The following FAM174A variants were observed in gnomAD, a reference collection of about 807,000 sequenced individuals.
FAM174A encodes the protein family with sequence similarity 174 member A, also known as membrane protein FAM174A.
FAM174A carries 14 observed loss-of-function variants against 14.3 expected under a neutral mutation model. The ratio of observed to expected loss-of-function variants is 0.98; its 90% CI spans 0.65 to 1.53. The LOEUF (loss-of-function observed/expected upper bound fraction) is 1.53, where lower values mean the gene tolerates loss of function less well. Among genes scored for constraint, FAM174A ranks in the 40% most tolerant of loss-of-function variants. The pLI is 0.00. For missense variants in FAM174A, 241 were observed against 249.6 expected (o/e 0.97, Z 0.23); for synonymous variants, 108 against 111.4 (o/e 0.97, Z 0.19).
At chr5:100,538,143 T>C (rs1390938549) in intron 1 of FAM174A, among the ~76,000 whole-genome samples, 1 of 152,184 alleles carries the variant, frequency 6.6e-6, no homozygotes, top group East Asian at 1.9e-4. Context: ...GCTTGAATGA[T>C]GCTAACAATG....
At chr5:100,569,467 A>G (rs1394624563) in intron 2 of FAM174A, among the ~76,000 whole-genome samples, 4 of 151,742 alleles carry the variant, frequency 2.6e-5, no homozygotes, top group Admixed American at 6.6e-5. Context: ...TCAATCACCT[A>G]TGGTTTGACA....
At chr5:100,571,691 T>TATATATATATAC (rs1320690709) in intron 2 of FAM174A, among the ~76,000 whole-genome samples, 15 of 146,598 alleles carry the variant, frequency 1.0e-4, no homozygotes, top group African/African-American at 3.7e-4. Context: ...TATATATATA[T>TATATATATATAC]ACACACACAC....
intron 1 of FAM174A, among the ~76,000 whole-genome samples, chr5:100,541,507 G>T (rs1013041385): frequency 2.0e-5 from 3 of 151,996 alleles, no homozygotes; most frequent in Admixed American, 1.3e-4. Flanking sequence ...TGCAGGCAGG[G>T]AGAAGTATTG....
intron 2 of FAM174A, among the ~76,000 whole-genome samples, chr5:100,580,905 TTTGTTTGTTTGTTTGTTTTTG>T (rs1414823089): frequency 6.6e-6 from 1 of 151,740 alleles, no homozygotes; most frequent in Non-Finnish European, 1.5e-5. Context: ...TGTTGCAGAG[TTTGTTTGTTTGTTTGTTTTTG>T]TTGTTTGTTT....
intron 1 of FAM174A, among the ~76,000 whole-genome samples, chr5:100,536,284 T>C (rs1173705761): frequency 6.6e-6 from 1 of 152,218 alleles, no homozygotes. Context: ...CTACTCTGTC[T>C]TGTAATACTT....
In FAM174A at chr5:100,535,752, G is replaced by A. The variant is rs113665794; in HGVS notation, c.222G>A (p.Ala74=). Residue 74 remains alanine (A), a synonymous_variant, in exon 1 of 3, where the codon GCG becomes GCA. Transcript: ENST00000312637. Reference sequence around the variant, plus strand: ...CGGGCCGTGGTCTGGCTGAAGCTGCGGGGCCGCGGGGCTCCGAGGGAGGCA... The same window carrying A: ...CGGGCCGTGGTCTGGCTGAAGCTGCAGGGCCGCGGGGCTCCGAGGGAGGCA... ...QQPGRGLAEA[A]GPRGSEGGNG... 1.6e-5 allele frequency: 25 copies of A among 1,603,754 alleles called. No homozygotes were observed. In the South Asian group the frequency reaches 2.8e-4, roughly 18 times the overall value.
intron 2 of FAM174A, among the ~76,000 whole-genome samples, chr5:100,577,010 G>A (rs1405255211): frequency 1.3e-5 from 2 of 152,072 alleles, no homozygotes; most frequent in African/African-American, 4.8e-5. Flanking sequence ...ATTCTCATAA[G>A]CAGTCTCAAG....
In FAM174A at chr5:100,569,065, T is replaced by C. The variant is rs116034650; in HGVS notation, c.569+6877T>C. ...CTAGTCTGTCTTGTATACTTTCCAC[T>C]CTCTACTCCATTCTTCCCACCTCAT... On this transcript the variant is annotated intron_variant, in intron 2 of 2. Transcript: ENST00000312637. Among the ~76,000 whole-genome samples, 1,432 of 152,050 alleles carry C rather than the reference T, an allele frequency of 9.4e-3. 15 individuals are homozygous for C. Among genetic ancestry groups the C allele is most frequent in the African/African-American group, 0.033 (1,357 of 41,526 alleles).
intron 2 of FAM174A, among the ~76,000 whole-genome samples, chr5:100,568,229 G>A (rs2112391891): frequency 6.6e-6 from 1 of 151,858 alleles, no homozygotes; most frequent in South Asian, 2.1e-4. Flanking sequence ...GTGGTCAGTG[G>A]GAGCGTCTTC....
chr5:100,562,320 T>C lies in FAM174A; in HGVS notation c.569+132T>C. 3 of 772,224 alleles carry C rather than the reference T, an allele frequency of 3.9e-6. No individual in the cohort carries two copies. In the South Asian group the frequency reaches 7.0e-5, roughly 18 times the overall value. 47.8% of individuals were successfully genotyped at this position (772,224 alleles called of 1,614,324 possible). ...TTTCTTCAGTTCTGTTTACTGAAGTTCTTTTTGCTATCTACCCCATAGCTC... is the reference window on the plus strand; with the variant it reads ...TTTCTTCAGTTCTGTTTACTGAAGTCCTTTTTGCTATCTACCCCATAGCTC... On this transcript the variant is annotated intron_variant, in intron 2 of 2. Coordinates refer to ENST00000312637, the MANE Select transcript of FAM174A (RefSeq NM_198507.3).
chr5:100,538,353 T>C (rs898167415), intron 1 of FAM174A, among the ~76,000 whole-genome samples: 1 of 152,154 alleles, frequency 6.6e-6, no homozygotes, highest in Non-Finnish European at 1.5e-5. Context: ...AATATTTTAC[T>C]TGTAAAATTT....
intron 2 of FAM174A, among the ~76,000 whole-genome samples, chr5:100,571,682 ATATATATATACACACACACACCC>A (rs1746783193): frequency 6.8e-6 from 1 of 146,708 alleles, no homozygotes; most frequent in South Asian, 2.1e-4. Context: ...GTATATATAT[ATATATATATACACACACACACCC>A]TATTACTTTA....
chr5:100,551,560 C>T (rs2112373733), intron 1 of FAM174A, among the ~76,000 whole-genome samples: 1 of 152,248 alleles, frequency 6.6e-6, no homozygotes, highest in Middle Eastern at 3.4e-3. Context: ...CCTTAATTTC[C>T]CTTTCCTCTC....
chr5:100,548,497 A>G (rs1047468431), intron 1 of FAM174A, among the ~76,000 whole-genome samples: 3 of 152,102 alleles, frequency 2.0e-5, no homozygotes, highest in Non-Finnish European at 4.4e-5. Context: ...GTTGTTTTGA[A>G]GATTAGCAGG....
At chr5:100,556,992 G>A (rs1463717346) in intron 1 of FAM174A, among the ~76,000 whole-genome samples, 1 of 152,154 alleles carries the variant, frequency 6.6e-6, no homozygotes, top group African/African-American at 2.4e-5. Flanking sequence ...GAATAGGAGT[G>A]GTGAGAGAGG....
chr5:100,547,987 T>C (rs1464215108), intron 1 of FAM174A, among the ~76,000 whole-genome samples: 1 of 152,042 alleles, frequency 6.6e-6, no homozygotes, highest in Non-Finnish European at 1.5e-5. Context: ...CACTCAATAG[T>C]ATCTTAAGCA....
chr5:100,576,684 G>C (rs563217181), intron 2 of FAM174A, among the ~76,000 whole-genome samples: 1 of 152,180 alleles, frequency 6.6e-6, no homozygotes, highest in South Asian at 2.1e-4. Context: ...TGTCTTGTAT[G>C]TTAACCATTG....
intron 1 of FAM174A, among the ~76,000 whole-genome samples, chr5:100,561,067 G>A (rs13436339): frequency 7.2e-5 from 11 of 151,850 alleles, no homozygotes; most frequent in African/African-American, 2.7e-4. Context: ...TAGTGGGAGA[G>A]ACAGATGAAT....
intron 2 of FAM174A, among the ~76,000 whole-genome samples, chr5:100,571,646 T>A (rs775058490): frequency 7.0e-6 from 1 of 142,858 alleles, no homozygotes; most frequent in Non-Finnish European, 1.5e-5. Flanking sequence ...CTTCAATATA[T>A]AAAGTATATA....
Sources: allele counts gnomAD v4.1 joint callset (sites outside exome capture counted in the v4.1 genomes callset), GRCh38; gene constraint gnomAD v4.1.1; transcripts MANE v1.5; gene names NCBI Gene and HGNC (gene_info 2026-07-23, HGNC 2026-07-21).